The following MTFR1 variants were observed in gnomAD, a reference collection of about 807,000 sequenced individuals.
The protein encoded by MTFR1 is chondrocyte protein with a poly-proline region.
In MTFR1, 28 loss-of-function variants were observed where a neutral mutation model predicts 38.8. The ratio of observed to expected loss-of-function variants is 0.72; its 90% CI spans 0.53 to 0.99. MTFR1 has a LOEUF of 0.99. MTFR1 is among the 50% of genes least tolerant of loss of function. The pLI is 0.00. For synonymous variants in MTFR1, 145 were observed against 137.0 expected, an observed-to-expected ratio of 1.06 and a Z score of -0.41; for missense variants, 358 against 395.5, an observed-to-expected ratio of 0.91 and a Z score of 0.81.
At chr8:65,686,215 T>G (rs1805066792) in intron 3 of MTFR1, among the ~76,000 whole-genome samples, 2 of 152,204 alleles carry the variant, frequency 1.3e-5, no homozygotes, top group South Asian at 4.1e-4. Flanking sequence ...TAGCTATAAT[T>G]TTATAGTCAG....
At chr8:65,723,480 C>T in intron 3 of MTFR1, 1 of 1,319,908 alleles carries the variant, frequency 7.6e-7, no homozygotes, top group South Asian at 2.1e-5. Flanking sequence ...AAATATATTT[C>T]CCTTCTTGAT....
intron 4 of MTFR1, among the ~76,000 whole-genome samples, chr8:65,698,730 T>G (rs1805520937): frequency 6.7e-6 from 1 of 148,432 alleles, no homozygotes. Context: ...TGTTGTTCCC[T>G]TCTTTTTTTT....
At chr8:65,688,098 T>TAAAAAAA (rs546722264) in intron 3 of MTFR1, among the ~76,000 whole-genome samples, 2 of 120,882 alleles carry the variant, frequency 1.7e-5, no homozygotes, top group Admixed American at 8.5e-5. Context: ...AGACTCCGTC[T>TAAAAAAA]AAAAAAAAAA....
chr8:65,743,513 G>T (rs1002222943), intron 3 of MTFR1, among the ~76,000 whole-genome samples: 2 of 152,164 alleles, frequency 1.3e-5, no homozygotes, highest in Non-Finnish European at 2.9e-5. Flanking sequence ...TCACAATTTT[G>T]CCTAGGATCA....
chr8:65,694,072 CTTTTTT>C (rs773434384), intron 4 of MTFR1, among the ~76,000 whole-genome samples: 15 of 109,670 alleles, frequency 1.4e-4, no homozygotes, highest in African/African-American at 2.4e-4. Flanking sequence ...CTGGCTAATT[CTTTTTT>C]TTTTTTTTTT....
intron 4 of MTFR1, among the ~76,000 whole-genome samples, chr8:65,703,417 T>TG (rs1805674387): frequency 7.8e-6 from 1 of 128,938 alleles, no homozygotes; most frequent in Non-Finnish European, 1.6e-5. Flanking sequence ...TTGATGTCTC[T>TG]GGTTTTTTTT....
intron 1 of MTFR1, among the ~76,000 whole-genome samples, chr8:65,654,691 C>T (rs1328039559): frequency 6.6e-6 from 1 of 152,142 alleles, no homozygotes; most frequent in Non-Finnish European, 1.5e-5. Context: ...GATCCTTCTG[C>T]CTCAGCCTCC....
intron 1 of MTFR1, among the ~76,000 whole-genome samples, chr8:65,645,756 T>A (rs1483971835): frequency 6.9e-6 from 1 of 145,138 alleles, no homozygotes; most frequent in Non-Finnish European, 1.5e-5. Flanking sequence ...TTTGAACTCC[T>A]TGGCTTAAGC....
chr8:65,765,041 T>C (rs1808699735), intron 3 of MTFR1, among the ~76,000 whole-genome samples: 1 of 152,220 alleles, frequency 6.6e-6, no homozygotes, highest in Non-Finnish European at 1.5e-5. Flanking sequence ...GTCTCTACTA[T>C]GAGCCAGAAG....
chr8:65,706,022 C>A (rs1163103517), intron 5 of MTFR1, among the ~76,000 whole-genome samples: 1 of 152,184 alleles, frequency 6.6e-6, no homozygotes, highest in African/African-American at 2.4e-5. Flanking sequence ...CAATTAATTA[C>A]CCTGCCTCTG....
intron 6 of MTFR1, 129 bp from the exon 7 acceptor site, chr8:65,707,714 A>G: frequency 8.6e-7 from 1 of 1,166,912 alleles, no homozygotes; most frequent in Non-Finnish European, 1.2e-6. Context: ...TGCTAGCAGT[A>G]TTTATCAGGT....
At position 65,709,256 on chromosome 8, in the gene MTFR1, G is replaced by A. The variant is rs940016781; in HGVS notation, c.*212G>A. The A allele has an allele frequency of 1.8e-5, 9 of 506,074 alleles. No individual in the cohort carries two copies. The highest frequency in any genetic ancestry group is 4.7e-4 in the Middle Eastern group (1 of 2,146). 31.3% of individuals were successfully genotyped at this position (506,074 alleles called of 1,614,324 possible). A position where few individuals can be genotyped will look rare whatever the true frequency, so the allele number is the denominator to read the frequency against. On this transcript the variant is annotated 3_prime_UTR_variant, in exon 8 of 8. Coordinates refer to ENST00000262146, the MANE Select transcript of MTFR1 (RefSeq NM_014637.4). Reference sequence around the variant, plus strand: ...CTTTGGTGCTCTCCACAACATGTGTGTTCTGACATGTTTCTAATATGTGGC... The same window carrying A: ...CTTTGGTGCTCTCCACAACATGTGTATTCTGACATGTTTCTAATATGTGGC...
chr8:65,745,576 T>A (rs751080578), intron 3 of MTFR1: 28 of 647,002 alleles, frequency 4.3e-5, no homozygotes, highest in Non-Finnish European at 6.5e-5. Context: ...ATTGATTTAC[T>A]TTAAAAAATA....
chr8:65,673,905 CA>C (rs1307604467), intron 2 of MTFR1, among the ~76,000 whole-genome samples: 11 of 146,486 alleles, frequency 7.5e-5, no homozygotes, highest in East Asian at 2.0e-4. Context: ...GACCCCGTCT[CA>C]AAAAAAAAAT....
chr8:65,732,866 TTTTC>T (rs775336847), intron 3 of MTFR1, among the ~76,000 whole-genome samples: 24 of 152,270 alleles, frequency 1.6e-4, no homozygotes, highest in South Asian at 2.1e-4. Context: ...CTCTGTTTTT[TTTTC>T]TTTCTATCTT....
At chr8:65,657,800 A>G (rs1338385289) in intron 1 of MTFR1, among the ~76,000 whole-genome samples, 2 of 152,182 alleles carry the variant, frequency 1.3e-5, no homozygotes, top group Non-Finnish European at 2.9e-5. Flanking sequence ...AATTTAACAC[A>G]TAATAATTGT....
At chr8:65,777,007 T>G in the MTFR1 span, among the ~76,000 whole-genome samples, 2 of 151,314 alleles carry the variant, frequency 1.3e-5, no homozygotes, top group African/African-American at 4.8e-5. Flanking sequence ...TTTCAGACTG[T>G]TTAAGTTTTT....
At chr8:65,717,335 G>A (rs1297940022) in intron 2 of MTFR1, among the ~76,000 whole-genome samples, 2 of 152,200 alleles carry the variant, frequency 1.3e-5, no homozygotes, top group Non-Finnish European at 2.9e-5. Flanking sequence ...CAAGTAGAGT[G>A]GAGTGGCCTT....
chr8:65,740,346 C>A (rs530552673), intron 3 of MTFR1, among the ~76,000 whole-genome samples: 1 of 152,080 alleles, frequency 6.6e-6, no homozygotes, highest in South Asian at 2.1e-4. Context: ...TTCCCATCCA[C>A]CCCCTCATTC....
Sources: allele counts gnomAD v4.1 joint callset (sites outside exome capture counted in the v4.1 genomes callset), GRCh38; gene constraint gnomAD v4.1.1; transcripts MANE v1.5; gene names NCBI Gene and HGNC (gene_info 2026-07-23, HGNC 2026-07-21).